Variants in OR2B11 observed in about 807,000 individuals in gnomAD.
OR2B11 encodes olfactory receptor 2B11.
For missense variants in OR2B11, 422 were observed against 400.0 expected (o/e 1.05, Z -0.47); for synonymous variants, 198 against 174.5 (o/e 1.13, Z -1.06).
intron 1 of OR2B11, 104 bp from the exon 2 acceptor site, chr1:247,455,168 C>A (rs554383186): frequency 4.6e-5 from 7 of 152,162 alleles, no homozygotes; most frequent in Non-Finnish European, 8.8e-5. Flanking sequence ...TGAAGCTTGA[C>A]GGAACACATT....
rs1553295324 is a variant in OR2B11, at chr1:247,454,195, A to ACATG, written c.-2214_-2213insCATG. 9.8e-5 allele frequency: 15 copies of ACATG among 152,362 alleles called. No individual in the cohort carries two copies. The highest frequency in any genetic ancestry group is 5.8e-4 in the East Asian group (3 of 5,170). The allele number at this position is 152,362 out of a possible 1,614,324, so 9.4% of individuals were successfully genotyped here. A position where few individuals can be genotyped will look rare whatever the true frequency, so the allele number is the denominator to read the frequency against. On this transcript the variant is annotated 5_prime_UTR_variant, in exon 2 of 2. In the 5' UTR this introduces an upstream ATG that the reference lacks. Transcript: ENST00000641149. ...CACGTGCACACGCACACACACACAC[A>ACATG]CACACACACACGCACACACACACGG...
In OR2B11 at chr1:247,452,124, G is replaced by A; in HGVS notation, c.-142C>T. ...AGCCTGTTTGATTCTCCTTACCTCT[G>A]TGGAGACGCTGGGATGCGGAAGGGT... On this transcript the variant is annotated 5_prime_UTR_variant, in exon 2 of 2. Coordinates refer to ENST00000641149, the MANE Select transcript of OR2B11 (RefSeq NM_001004492.2). 1 of 624,610 alleles carries A rather than the reference G, an allele frequency of 1.6e-6. No individual in the cohort carries two copies. Among genetic ancestry groups the A allele is most frequent in the Non-Finnish European group, 2.8e-6 (1 of 356,330 alleles). The allele number at this position is 624,610 out of a possible 1,614,324, so 38.7% of individuals were successfully genotyped here.
Position 247,452,279 on chromosome 1 carries a change from C to T in OR2B11, c.-297G>A, listed in dbSNP as rs985962327. On this transcript the variant is annotated 5_prime_UTR_variant, in exon 2 of 2. Coordinates refer to ENST00000641149, the MANE Select transcript of OR2B11 (RefSeq NM_001004492.2). ...TGGGGAGAAATACCTCCTTCAATTG[C>T]CAAGACTTGGGGACGATAGAGACAT... 1 of 360,966 alleles carries T rather than the reference C, an allele frequency of 2.8e-6. No homozygotes were observed. Among genetic ancestry groups the T allele is most frequent in the Non-Finnish European group, 5.1e-6 (1 of 196,112 alleles). The allele number at this position is 360,966 out of a possible 1,614,324, so 22.4% of individuals were successfully genotyped here. A position where few individuals can be genotyped will look rare whatever the true frequency, so the allele number is the denominator to read the frequency against.
In OR2B11 at chr1:247,450,997, A is replaced by C. The variant is rs1471958263; in HGVS notation, c.*32T>G. The C allele has an allele frequency of 7.8e-7, 1 of 1,279,098 alleles. No homozygotes were observed. The highest frequency in any genetic ancestry group is 2.5e-5 in the Admixed American group (1 of 39,996). The allele number at this position is 1,279,098 out of a possible 1,614,324, so 79.2% of individuals were successfully genotyped here. ...ACAATAGACTTGTGCTGTGTTCTTT[A>C]ATTGATGGAGATGCTACATCTCATG... On this transcript the variant is annotated 3_prime_UTR_variant, in exon 2 of 2. Transcript: ENST00000641149.
In OR2B11 at chr1:247,451,823, G is replaced by C; in HGVS notation, c.160C>G (p.Arg54Gly). The part of the protein sequence containing the change: ...LGNVAIILAS[R>G]VDPQLHSPMY... The stretch of plus-strand genomic sequence containing the variant: ...GGGCTGTGGAGTTGAGGATCCACCC[G>C]GGATGCCAGGATGATGGCGACGTTC... The change falls in exon 2 of 2, where the codon CGG (arginine) becomes GGG (glycine). Residue 54 changes from arginine (R) to glycine (G), a missense_variant. Transcript: ENST00000641149. The C allele has an allele frequency of 6.2e-7, 1 of 1,614,130 alleles. No homozygotes were observed. The highest frequency in any genetic ancestry group is 8.5e-7 in the Non-Finnish European group (1 of 1,180,020).
Position 247,452,104 on chromosome 1 carries a change from G to A in OR2B11, c.-122C>T. The A allele has an allele frequency of 3.0e-6, 2 of 670,194 alleles. No homozygotes were observed. Among genetic ancestry groups the A allele is most frequent in the Non-Finnish European group, 2.6e-6 (1 of 386,794 alleles). The allele number at this position is 670,194 out of a possible 1,614,324, so 41.5% of individuals were successfully genotyped here. ...CTCTTCCTTTCCCAGGTGATAGCCT[G>A]TTTGATTCTCCTTACCTCTGTGGAG... On this transcript the variant is annotated 5_prime_UTR_variant, in exon 2 of 2. Coordinates refer to ENST00000641149, the MANE Select transcript of OR2B11 (RefSeq NM_001004492.2).
At position 247,451,461 on chromosome 1, in the gene OR2B11, C is replaced by T. The variant is rs58058243; in HGVS notation, c.522G>A (p.Gly174=). ...AGAAAAAGTTGTTCAGCACCTGCCG[C>T]CCGCAGAATGGCAATTGCACCGTCA... ...VVLTVQLPFC[G]RQVLNNFFCE... Residue 174 remains glycine (G), a synonymous_variant, in exon 2 of 2, where the codon GGG becomes GGA. Transcript: ENST00000641149. The T allele has an allele frequency of 5.2e-3, 8,336 of 1,614,130 alleles. 397 individuals are homozygous for T. The African/African-American group carries it at 0.095, about 18-fold the overall frequency.
At chr1:247,456,912 T>C (rs956436784) in intron 1 of OR2B11, among the ~76,000 whole-genome samples, 37 of 152,346 alleles carry the variant, frequency 2.4e-4, no homozygotes, top group African/African-American at 8.7e-4. Context: ...ACAAAAATGA[T>C]TATTGATTTT....
In OR2B11 at chr1:247,450,087, C is replaced by A. The variant is rs969953384; in HGVS notation, c.*942G>T. The A allele has an allele frequency of 1.3e-5, 2 of 152,248 alleles. No homozygotes were observed. Among genetic ancestry groups the A allele is most frequent in the Admixed American group, 6.5e-5 (1 of 15,274 alleles). 9.4% of individuals were successfully genotyped at this position (152,248 alleles called of 1,614,324 possible). A position where few individuals can be genotyped will look rare whatever the true frequency, so the allele number is the denominator to read the frequency against. ...CACTGCAACCTCCGCCTCCCGGGTT[C>A]AAGCAATTCTCTGCCTCAGCCTCCT... On this transcript the variant is annotated 3_prime_UTR_variant, in exon 2 of 2. Transcript: ENST00000641149.
chr1:247,455,625 A>G (rs771618811), intron 1 of OR2B11, among the ~76,000 whole-genome samples: 12 of 152,132 alleles, frequency 7.9e-5, no homozygotes, highest in Non-Finnish European at 1.6e-4. Flanking sequence ...GGGGCTTGAG[A>G]GCACACAAGC....
chr1:247,450,198 G>A lies in OR2B11; in HGVS notation c.*831C>T, dbSNP rs1161958826. ...AGATGGGGTTTCACCATCTTGGCCA[G>A]GCTGGTCTTGAACTCCTGACCTTGT... On this transcript the variant is annotated 3_prime_UTR_variant, in exon 2 of 2. Transcript: ENST00000641149. 6.6e-6 allele frequency: 1 copy of A among 152,114 alleles called. No individual in the cohort carries two copies. Among genetic ancestry groups the A allele is most frequent in the African/African-American group, 2.4e-5 (1 of 41,412 alleles). 9.4% of individuals were successfully genotyped at this position (152,114 alleles called of 1,614,324 possible). A position where few individuals can be genotyped will look rare whatever the true frequency, so the allele number is the denominator to read the frequency against.
chr1:247,456,474 G>A (rs147424469), intron 1 of OR2B11, among the ~76,000 whole-genome samples: 98 of 152,092 alleles, frequency 6.4e-4, no homozygotes, highest in African/African-American at 2.2e-3. Flanking sequence ...GCACGACCTC[G>A]TTAAACACCC....
At position 247,452,227 on chromosome 1, in the gene OR2B11, T is replaced by C; in HGVS notation, c.-245A>G. On this transcript the variant is annotated 5_prime_UTR_variant, in exon 2 of 2. In the 5' UTR this introduces an upstream ATG that the reference lacks. Coordinates refer to ENST00000641149, the MANE Select transcript of OR2B11 (RefSeq NM_001004492.2). ...CAGTGGCCGCAACTAAACCATTTAA[T>C]ATTCCTGAACTTCTGCATCTGTAAA... The C allele has an allele frequency of 8.4e-6, 4 of 475,276 alleles. No individual in the cohort carries two copies. The highest frequency in any genetic ancestry group is 1.1e-5 in the Non-Finnish European group (3 of 265,152). 29.4% of individuals were successfully genotyped at this position (475,276 alleles called of 1,614,324 possible).
In OR2B11 at chr1:247,452,135, G is replaced by A. The variant is rs1664863160; in HGVS notation, c.-153C>T. 3.3e-6 allele frequency: 2 copies of A among 613,266 alleles called. No homozygotes were observed. Among genetic ancestry groups the A allele is most frequent in the African/African-American group, 3.7e-5 (2 of 54,206 alleles). 38.0% of individuals were successfully genotyped at this position (613,266 alleles called of 1,614,324 possible). On this transcript the variant is annotated 5_prime_UTR_variant, in exon 2 of 2. Transcript: ENST00000641149. The stretch of plus-strand genomic sequence containing the variant: ...TTCTCCTTACCTCTGTGGAGACGCT[G>A]GGATGCGGAAGGGTCAGAACCAGGA...
In OR2B11 at chr1:247,452,530, T is replaced by C. The variant is rs1413775477; in HGVS notation, c.-548A>G. On this transcript the variant is annotated 5_prime_UTR_variant, in exon 2 of 2. Coordinates refer to ENST00000641149, the MANE Select transcript of OR2B11 (RefSeq NM_001004492.2). ...GCTTTGTGAGCAGCTGGGGGCTGTA[T>C]TGATAGGACCACCCCCCGTCACTGG... 1 of 158,156 alleles carries C rather than the reference T, an allele frequency of 6.3e-6. No homozygotes were observed. Among genetic ancestry groups the C allele is most frequent in the African/African-American group, 2.4e-5 (1 of 41,410 alleles). The allele number at this position is 158,156 out of a possible 1,614,324, so 9.8% of individuals were successfully genotyped here. A position where few individuals can be genotyped will look rare whatever the true frequency, so the allele number is the denominator to read the frequency against.
rs1664834721 is a variant in OR2B11 at position 247,451,199 on chromosome 1, T to C, written c.784A>G (p.Met262Val). The change falls in exon 2 of 2, where the codon ATG becomes GTG. Residue 262 changes from methionine (M) to valine (V), a missense_variant. Physicochemically the swap from Met to Val is conservative, Grantham distance 21 (BLOSUM62 1). Transcript: ENST00000641149. ...VSLFYLPAIYMYLQPPSSYSQ... is the reference protein window; with the variant it reads ...VSLFYLPAIYVYLQPPSSYSQ... ...TAGCTGGAAGGGGGCTGCAGATACA[T>C]GTAAATCGCAGGTAGGTAGAAGAGG... 2 of 1,579,940 alleles carry C rather than the reference T, an allele frequency of 1.3e-6. No individual in the cohort carries two copies. The highest frequency in any genetic ancestry group is 1.7e-6 in the Non-Finnish European group (2 of 1,160,184).
Position 247,453,399 on chromosome 1 carries a change from T to C in OR2B11, c.-1417A>G, listed in dbSNP as rs1333743934. ...AAACCACACACGTTTTGTCAGAAAG[T>C]TGCCAATATTCTTGTGAAACATTCA... is the stretch of plus-strand genomic sequence containing the variant. On this transcript the variant is annotated 5_prime_UTR_variant, in exon 2 of 2. Transcript: ENST00000641149. 2 of 152,230 alleles carry C rather than the reference T, an allele frequency of 1.3e-5. No homozygotes were observed. The allele number at this position is 152,230 out of a possible 1,614,324, so 9.4% of individuals were successfully genotyped here.
rs1009531371 is a variant in OR2B11, at chr1:247,453,990, G to A, written c.-2008C>T. On this transcript the variant is annotated 5_prime_UTR_variant, in exon 2 of 2. Coordinates refer to ENST00000641149, the MANE Select transcript of OR2B11 (RefSeq NM_001004492.2). ...TAAAAAAAGAGCAGCTGGTGACATG[G>A]GGAGCAGCAAGGGCAGTCGCGTAAA... The A allele has an allele frequency of 6.6e-6, 1 of 152,354 alleles. No individual in the cohort carries two copies. The allele number at this position is 152,354 out of a possible 1,614,324, so 9.4% of individuals were successfully genotyped here. A position where few individuals can be genotyped will look rare whatever the true frequency, so the allele number is the denominator to read the frequency against.
At chr1:247,456,183 C>T (rs953792925) in intron 1 of OR2B11, among the ~76,000 whole-genome samples, 1 of 152,144 alleles carries the variant, frequency 6.6e-6, no homozygotes, top group African/African-American at 2.4e-5. Flanking sequence ...TATGAGTCCA[C>T]AGGGTAAGCT....
Sources: allele counts gnomAD v4.1 joint callset (sites outside exome capture counted in the v4.1 genomes callset), GRCh38; gene constraint gnomAD v4.1.1; transcripts MANE v1.5; gene names NCBI Gene and HGNC (gene_info 2026-07-23, HGNC 2026-07-21).